The following WDR70 variants were observed in gnomAD, a reference collection of about 807,000 sequenced individuals.
The protein encoded by WDR70 is WD repeat domain 70.
In WDR70, 53 loss-of-function variants were observed where a neutral mutation model predicts 88.6. The ratio of observed to expected loss-of-function variants is 0.60; its 90% CI spans 0.48 to 0.75. The LOEUF (loss-of-function observed/expected upper bound fraction) is 0.75, where lower values mean the gene tolerates loss of function less well. WDR70 is among the 30% of genes least tolerant of loss of function. The probability of loss-of-function intolerance (pLI) is 0.00; values close to 1 mark genes in which losing one functional copy is unlikely to be tolerated. For missense variants in WDR70, 610 were observed against 823.2 expected (o/e 0.74, Z 3.17); for synonymous variants, 280 against 270.0 (o/e 1.04, Z -0.36).
At chr5:37,731,514 C>G (rs1251552588) in intron 17 of WDR70, among the ~76,000 whole-genome samples, 1 of 152,124 alleles carries the variant, frequency 6.6e-6, no homozygotes, top group South Asian at 2.1e-4. Context: ...GTCAACACAT[C>G]ATTGGCAGTC....
intron 10 of WDR70, among the ~76,000 whole-genome samples, chr5:37,696,971 A>AAAC (rs1747002321): frequency 6.6e-6 from 1 of 152,216 alleles, no homozygotes; most frequent in Admixed American, 6.5e-5. Flanking sequence ...TCAAACCCCC[A>AAAC]GCTCTACTAC....
intron 3 of WDR70, among the ~76,000 whole-genome samples, chr5:37,390,983 T>C (rs1748801264): frequency 6.6e-6 from 1 of 152,200 alleles, no homozygotes; most frequent in African/African-American, 2.4e-5. Flanking sequence ...CCCAAAGTGC[T>C]GGGATTACAA....
chr5:37,588,049 C>G (rs1428854081), intron 9 of WDR70, among the ~76,000 whole-genome samples: 2 of 151,936 alleles, frequency 1.3e-5, no homozygotes, highest in African/African-American at 4.8e-5. Flanking sequence ...ATGACTTAAC[C>G]AAAGTTAATT....
chr5:37,516,498 T>C lies in WDR70; in HGVS notation c.841-16T>C, dbSNP rs751233718. On this transcript the variant is annotated splice_polypyrimidine_tract_variant and intron_variant, in intron 8 of 17. Coordinates refer to ENST00000265107, the MANE Select transcript of WDR70 (RefSeq NM_018034.4). ...TTTTAAAACATCTTTTTTTCCCCTT[T>C]GTCTTTATTTTTAAGGGTCATACAG... 1 of 1,540,190 alleles carries C rather than the reference T, an allele frequency of 6.5e-7. No individual in the cohort carries two copies. The highest frequency in any genetic ancestry group is 2.3e-5 in the East Asian group (1 of 44,330).
At chr5:37,505,568 A>C (rs1205005540) in intron 8 of WDR70, 1 of 663,170 alleles carries the variant, frequency 1.5e-6, no homozygotes. Context: ...TAATTCTCTC[A>C]ATGTTTTTTA....
At chr5:37,499,961 A>T (rs1740355433) in intron 8 of WDR70, among the ~76,000 whole-genome samples, 1 of 152,232 alleles carries the variant, frequency 6.6e-6, no homozygotes, top group Non-Finnish European at 1.5e-5. Context: ...TAAAAATTTC[A>T]ATAGCTTTTG....
chr5:37,622,910 C>T (rs1307819098), intron 10 of WDR70, among the ~76,000 whole-genome samples: 1 of 151,916 alleles, frequency 6.6e-6, no homozygotes, highest in African/African-American at 2.4e-5. Flanking sequence ...AAGAAACATT[C>T]TAACCTGTCA....
At position 37,431,825 on chromosome 5, in the gene WDR70, G is replaced by A. The variant is rs893728483; in HGVS notation, c.493-6097G>A. Among the ~76,000 whole-genome samples the A allele has an allele frequency of 5.9e-5, 9 of 152,202 alleles. No individual in the cohort carries two copies. In the East Asian group the frequency reaches 1.5e-3, roughly 26 times the overall value. On this transcript the variant is annotated intron_variant, in intron 5 of 17. Transcript: ENST00000265107. ...ATATAGTATTTGTCTTTTTCTAACTGATGTATTTTACTTAATATAATGTCT... is the reference window on the plus strand; with the variant it reads ...ATATAGTATTTGTCTTTTTCTAACTAATGTATTTTACTTAATATAATGTCT...
intron 10 of WDR70, among the ~76,000 whole-genome samples, chr5:37,695,574 C>T (rs1746956701): frequency 6.6e-6 from 1 of 152,166 alleles, no homozygotes; most frequent in African/African-American, 2.4e-5. Context: ...TGGCAGGACT[C>T]AGATCCCTGT....
At chr5:37,414,344 T>C (rs538066727) in intron 5 of WDR70, among the ~76,000 whole-genome samples, 1 of 152,204 alleles carries the variant, frequency 6.6e-6, no homozygotes, top group African/African-American at 2.4e-5. Flanking sequence ...ACCTCTATTC[T>C]TATTCCCGCA....
chr5:37,622,285 C>T (rs1025742548), intron 10 of WDR70, among the ~76,000 whole-genome samples: 22 of 152,064 alleles, frequency 1.4e-4, no homozygotes, highest in Admixed American at 3.9e-4. Context: ...CACTTTTACA[C>T]TGTTGGTGGG....
intron 10 of WDR70, among the ~76,000 whole-genome samples, chr5:37,633,809 G>A (rs1459448898): frequency 6.6e-6 from 1 of 152,024 alleles, no homozygotes; most frequent in Non-Finnish European, 1.5e-5. Flanking sequence ...CAAAAACAAA[G>A]CATTCCCTAC....
intron 4 of WDR70, among the ~76,000 whole-genome samples, chr5:37,393,908 C>T (rs1201393043): frequency 1.3e-5 from 2 of 152,102 alleles, no homozygotes; most frequent in Admixed American, 1.3e-4. Context: ...TCTTGAACTC[C>T]TGAGCTCAAG....
At chr5:37,559,822 G>T (rs1283236907) in intron 9 of WDR70, among the ~76,000 whole-genome samples, 3 of 150,198 alleles carry the variant, frequency 2.0e-5, no homozygotes, top group Non-Finnish European at 3.0e-5. Context: ...TCCAGCCTGG[G>T]CAACAAGAGC....
chr5:37,514,221 G>A (rs1740807745), intron 8 of WDR70, among the ~76,000 whole-genome samples: 1 of 150,132 alleles, frequency 6.7e-6, no homozygotes, highest in African/African-American at 2.4e-5. Context: ...ATCTCACTCT[G>A]TTGCCCAGGC....
In WDR70 at chr5:37,629,548, A is replaced by G. The variant is rs73063800; in HGVS notation, c.1092+24310A>G. The stretch of plus-strand genomic sequence containing the variant: ...TCAGAAATTTTTTCCTCCATTTGGT[A>G]TAGTCTGTTGTTGAAGCTCTCAATT... On this transcript the variant is annotated intron_variant, in intron 10 of 17. Transcript: ENST00000265107. 7.4e-3 allele frequency among the ~76,000 whole-genome samples: 1,129 copies of G among 152,216 alleles called. 17 individuals carry two copies. The highest frequency in any genetic ancestry group is 0.026 in the African/African-American group (1,061 of 41,544).
At chr5:37,646,105 G>T (rs1435352523) in intron 10 of WDR70, among the ~76,000 whole-genome samples, 1 of 150,802 alleles carries the variant, frequency 6.6e-6, no homozygotes, top group East Asian at 1.9e-4. Flanking sequence ...TTAATTTTTT[G>T]CTTTTTATTT....
intron 10 of WDR70, among the ~76,000 whole-genome samples, chr5:37,681,928 A>G (rs1746447798): frequency 2.0e-5 from 3 of 152,080 alleles, no homozygotes; most frequent in South Asian, 4.2e-4. Flanking sequence ...TGGTGTCAAG[A>G]TGATGCTGGC....
intron 17 of WDR70, among the ~76,000 whole-genome samples, chr5:37,731,888 A>G (rs1748155578): frequency 6.6e-6 from 1 of 152,192 alleles, no homozygotes; most frequent in African/African-American, 2.4e-5. Flanking sequence ...TGAAACATCC[A>G]GAAGATAACT....
Sources: allele counts gnomAD v4.1 joint callset (sites outside exome capture counted in the v4.1 genomes callset), GRCh38; gene constraint gnomAD v4.1.1; transcripts MANE v1.5; gene names NCBI Gene and HGNC (gene_info 2026-07-23, HGNC 2026-07-21).